The following SHISA6 variants were observed in gnomAD, a reference collection of about 807,000 sequenced individuals.
SHISA6 encodes the protein shisa family member 6.
In SHISA6, 22 loss-of-function variants were observed where a neutral mutation model predicts 47.9. That is an observed-to-expected ratio of 0.46 (90% confidence interval 0.33 to 0.66). The LOEUF (loss-of-function observed/expected upper bound fraction) is 0.66, where lower values mean the gene tolerates loss of function less well. Ranked by LOEUF, SHISA6 falls within the 30% of genes least tolerant of loss-of-function variation. The pLI, the probability that SHISA6 is intolerant of heterozygous loss-of-function variation, is 0.02. For synonymous variants in SHISA6, 388 were observed against 337.8 expected (o/e 1.15, Z -1.63); for missense variants, 680 against 764.6 (o/e 0.89, Z 1.30).
intron 3 of SHISA6, among the ~76,000 whole-genome samples, chr17:11,383,528 T>C (rs1046280866): frequency 6.6e-6 from 1 of 152,152 alleles, no homozygotes; most frequent in Non-Finnish European, 1.5e-5. Context: ...TCCCACCTGT[T>C]GGTAGAGCCT....
intron 2 of SHISA6, among the ~76,000 whole-genome samples, chr17:11,274,972 A>G (rs4791458): frequency 0.82 from 123,659 of 151,666 alleles, 51,001 homozygotes; most frequent in South Asian, 0.89. Flanking sequence ...AGAGCCTGGA[A>G]AACGGCGATG....
intron 3 of SHISA6, among the ~76,000 whole-genome samples, chr17:11,506,811 C>G (rs9890185): frequency 0.31 from 46,389 of 152,066 alleles, 7,565 homozygotes; most frequent in East Asian, 0.49. Context: ...TCAAGTTTTA[C>G]AAAACAAAGT....
intron 3 of SHISA6, among the ~76,000 whole-genome samples, chr17:11,394,044 C>G (rs1913481654): frequency 6.6e-6 from 1 of 152,156 alleles, no homozygotes; most frequent in Non-Finnish European, 1.5e-5. Flanking sequence ...TTATCATACT[C>G]TTCAAAAAAT....
At chr17:11,482,137 C>T (rs1916238154) in intron 3 of SHISA6, among the ~76,000 whole-genome samples, 1 of 152,016 alleles carries the variant, frequency 6.6e-6, no homozygotes, top group Non-Finnish European at 1.5e-5. Flanking sequence ...TAGAAGAAAA[C>T]TTAGATGAAT....
At chr17:11,551,152 C>T (rs377054033) in intron 3 of SHISA6, among the ~76,000 whole-genome samples, 2 of 152,246 alleles carry the variant, frequency 1.3e-5, no homozygotes, top group South Asian at 2.1e-4. Flanking sequence ...TCATAGAATG[C>T]CAGAGTGCAC....
At position 11,407,110 on chromosome 17, in the gene SHISA6, G is replaced by A. The variant is rs77536189; in HGVS notation, c.895+27601G>A. On this transcript the variant is annotated intron_variant, in intron 3 of 5. Transcript: ENST00000441885. ...TAATAATAGCTAGCACTTATAGAGC[G>A]TTTTCTATGTGCCAGGCACTCTTCT... Among the ~76,000 whole-genome samples the A allele has an allele frequency of 7.0e-3, 1,072 of 152,110 alleles. 8 individuals carry two copies. The highest frequency in any genetic ancestry group is 0.025 in the African/African-American group (1,021 of 41,460).
chr17:11,537,162 T>C (rs1444790590), intron 3 of SHISA6, among the ~76,000 whole-genome samples: 1 of 151,910 alleles, frequency 6.6e-6, no homozygotes, highest in Non-Finnish European at 1.5e-5. Flanking sequence ...GCAGGCTCAC[T>C]GGAGAGGAGT....
intron 3 of SHISA6, among the ~76,000 whole-genome samples, chr17:11,385,274 G>C (rs1913154975): frequency 6.6e-6 from 1 of 152,166 alleles, no homozygotes; most frequent in Admixed American, 6.5e-5. Flanking sequence ...CCAGGTGAAG[G>C]AACAACTGTG....
intron 2 of SHISA6, among the ~76,000 whole-genome samples, chr17:11,347,549 T>TGAGTGAGATA (rs1224082510): frequency 2.6e-5 from 4 of 152,168 alleles, no homozygotes; most frequent in African/African-American, 9.7e-5. Context: ...CTAGATATTA[T>TGAGTGAGATA]TTGCATCTCA....
intron 3 of SHISA6, among the ~76,000 whole-genome samples, chr17:11,391,048 C>T (rs1194122251): frequency 6.6e-6 from 1 of 152,070 alleles, no homozygotes; most frequent in Non-Finnish European, 1.5e-5. Flanking sequence ...GAGAGAATTA[C>T]CTTGCAGGAA....
intron 3 of SHISA6, among the ~76,000 whole-genome samples, chr17:11,515,577 G>C (rs2071579121): frequency 1.3e-5 from 2 of 152,156 alleles, no homozygotes. Flanking sequence ...GTCTCAGCTG[G>C]TGACTGGCTC....
intron 3 of SHISA6, among the ~76,000 whole-genome samples, chr17:11,526,073 A>G (rs1223258218): frequency 1.3e-5 from 2 of 151,594 alleles, no homozygotes; most frequent in African/African-American, 2.4e-5. Context: ...AAGGTCAGTA[A>G]AAGCACACAT....
chr17:11,323,674 AT>A (rs1910783330), intron 2 of SHISA6, among the ~76,000 whole-genome samples: 1 of 116,514 alleles, frequency 8.6e-6, no homozygotes, highest in Non-Finnish European at 1.9e-5. Context: ...AAATAAAATA[AT>A]AATAATAATA....
In SHISA6 at chr17:11,241,351, C is replaced by T. The variant is rs985133672; in HGVS notation, c.-72C>T. The stretch of plus-strand genomic sequence containing the variant: ...CTCCAGCCCGGCCCGCGCGGCGGGT[C>T]CTCCGAGCCCGGCCCGCCGGGGGAG... On this transcript the variant is annotated 5_prime_UTR_variant, in exon 1 of 6. Transcript: ENST00000441885. This position sits in a 1 kb window ranked among gnomAD's most constrained non-coding sequence, Gnocchi z 5.5. 4.2e-6 allele frequency: 4 copies of T among 945,380 alleles called. No individual in the cohort carries two copies. The African/African-American group carries it at 7.2e-5, about 17-fold the overall frequency. The allele number at this position is 945,380 out of a possible 1,614,324, so 58.6% of individuals were successfully genotyped here. A position where few individuals can be genotyped will look rare whatever the true frequency, so the allele number is the denominator to read the frequency against.
intron 3 of SHISA6, among the ~76,000 whole-genome samples, chr17:11,517,518 A>G (rs1200616420): frequency 6.6e-6 from 1 of 152,088 alleles, no homozygotes; most frequent in African/African-American, 2.4e-5. Flanking sequence ...AGTCTTTGTT[A>G]TGGAATCGGG....
chr17:11,302,538 G>A (rs760830873), intron 2 of SHISA6, among the ~76,000 whole-genome samples: 25 of 152,142 alleles, frequency 1.6e-4, no homozygotes, highest in South Asian at 8.3e-4. Flanking sequence ...GTACATGAAC[G>A]TGCCAGAAAC....
Position 11,375,902 on chromosome 17 carries a change from C to T in SHISA6, c.800-3512C>T, listed in dbSNP as rs114986398. Among the ~76,000 whole-genome samples, 379 of 152,240 alleles carry T rather than the reference C, an allele frequency of 2.5e-3. 1 individual carries two copies. Among genetic ancestry groups the T allele is most frequent in the African/African-American group, 8.7e-3 (360 of 41,532 alleles). ...GACATCACCAGGATGCTGATTTGCACCATTCAGTTCAGCAGGTGGTGGAAG... is the reference window on the plus strand; with the variant it reads ...GACATCACCAGGATGCTGATTTGCATCATTCAGTTCAGCAGGTGGTGGAAG... On this transcript the variant is annotated intron_variant, in intron 2 of 5. Coordinates refer to ENST00000441885, the MANE Select transcript of SHISA6 (RefSeq NM_207386.4).
At chr17:11,545,189 A>G (rs915517477) in intron 3 of SHISA6, among the ~76,000 whole-genome samples, 8 of 151,984 alleles carry the variant, frequency 5.3e-5, no homozygotes, top group African/African-American at 1.9e-4. Context: ...CATACCATGG[A>G]ATATTCACTA....
chr17:11,446,039 G>A (rs1350348564), intron 3 of SHISA6, among the ~76,000 whole-genome samples: 19 of 152,134 alleles, frequency 1.2e-4, no homozygotes, highest in Admixed American at 9.8e-4. Context: ...TATTGGTCAG[G>A]CTGGTCTTGA....
Sources: gnomAD v4.1 joint callset for allele counts (sites outside exome capture counted in the v4.1 genomes callset) on GRCh38, gnomAD v4.1.1 for gene constraint, Gnocchi (gnomAD v3.1) non-coding constraint, MANE v1.5 for transcripts, NCBI Gene and HGNC (gene_info 2026-07-23, HGNC 2026-07-21) for gene names.